FAT3: variants seen among roughly 807,000 people sequenced by gnomAD.
FAT3 encodes the protein protocadherin Fat 3.
FAT3 carries 95 observed loss-of-function variants against 310.2 expected under a neutral mutation model. The ratio of observed to expected loss-of-function variants is 0.31; its 90% CI spans 0.26 to 0.36. The LOEUF is 0.36. Among genes scored for constraint, FAT3 ranks in the 10% least tolerant of loss-of-function variants. The pLI is 1.00. For synonymous variants in FAT3, 2,314 were observed against 2,192.9 expected (o/e 1.06, Z -1.54); for missense variants, 5,408 against 5,715.6 (o/e 0.95, Z 1.74).
chr11:92,895,229 G>T lies in FAT3; in HGVS notation c.*4116G>T, dbSNP rs556122399. 1.3e-5 allele frequency: 2 copies of T among 152,292 alleles called. No homozygotes were observed. The highest frequency in any genetic ancestry group is 3.9e-4 in the East Asian group (2 of 5,186). 9.4% of individuals were successfully genotyped at this position (152,292 alleles called of 1,614,324 possible). Reference sequence around the variant, plus strand: ...GGCATTTATTCCTTGTCATCATTTTGTGTGCTCTGTGAGAAGGTGGTTATA... The same window carrying T: ...GGCATTTATTCCTTGTCATCATTTTTTGTGCTCTGTGAGAAGGTGGTTATA... On this transcript the variant is annotated 3_prime_UTR_variant, in exon 28 of 28. Transcript: ENST00000525166.
In FAT3 at chr11:92,815,992, C is replaced by T. The variant is rs1208777289; in HGVS notation, c.9481+5916C>T. On this transcript the variant is annotated intron_variant, in intron 13 of 27. Transcript: ENST00000525166. ...AACTAATGATTTTGTAAGGATTGGT[C>T]AGATAGCACATGTAAAATGCTACAT... Among the ~76,000 whole-genome samples, 4 of 152,282 alleles carry T rather than the reference C, an allele frequency of 2.6e-5. No individual in the cohort carries two copies. The East Asian group carries it at 7.7e-4, about 29-fold the overall frequency.
At chr11:92,709,294 G>A (rs560759921) in intron 4 of FAT3, among the ~76,000 whole-genome samples, 7 of 152,262 alleles carry the variant, frequency 4.6e-5, no homozygotes, top group Admixed American at 2.6e-4. Flanking sequence ...AACCTCAATC[G>A]TGTAGAAATA....
chr11:92,542,381 A>G (rs186256462), intron 3 of FAT3, among the ~76,000 whole-genome samples: 3 of 152,232 alleles, frequency 2.0e-5, no homozygotes, highest in African/African-American at 7.2e-5. Flanking sequence ...AGGAGACAAC[A>G]GAGTAAAAAG....
At chr11:92,796,119 C>T (rs1947166475) in intron 9 of FAT3, among the ~76,000 whole-genome samples, 1 of 152,020 alleles carries the variant, frequency 6.6e-6, no homozygotes, top group African/African-American at 2.4e-5. Flanking sequence ...GGTGCCATCA[C>T]TGGAAGGTGA....
At chr11:92,873,472 C>G (rs1293132023) in intron 22 of FAT3, among the ~76,000 whole-genome samples, 1 of 152,146 alleles carries the variant, frequency 6.6e-6, no homozygotes, top group South Asian at 2.1e-4. Flanking sequence ...CAAACCTGAT[C>G]AGAATGATGT....
At chr11:92,587,001 T>A (rs1011260049) in intron 3 of FAT3, among the ~76,000 whole-genome samples, 5 of 152,046 alleles carry the variant, frequency 3.3e-5, no homozygotes, top group African/African-American at 1.2e-4. Flanking sequence ...TGCAAAGCCA[T>A]ATAAGAGATT....
intron 1 of FAT3, among the ~76,000 whole-genome samples, chr11:92,347,684 A>G (rs1053915563): frequency 4.6e-5 from 7 of 152,146 alleles, no homozygotes; most frequent in Non-Finnish European, 1.0e-4. Flanking sequence ...GATCCATCCT[A>G]ACAGAGCAGA....
intron 3 of FAT3, among the ~76,000 whole-genome samples, chr11:92,641,832 A>G (rs1941976215): frequency 1.3e-5 from 2 of 152,262 alleles, no homozygotes; most frequent in African/African-American, 4.8e-5. Flanking sequence ...TGTTAAGTTT[A>G]GAAACAAAGT....
intron 1 of FAT3, 33 bp from the exon 2 acceptor site, chr11:92,352,058 GTTAAT>G: frequency 8.2e-7 from 1 of 1,216,716 alleles, no homozygotes; most frequent in Non-Finnish European, 1.1e-6. Flanking sequence ...TTCTAGGATG[GTTAAT>G]TTATCTTTTC....
intron 2 of FAT3, among the ~76,000 whole-genome samples, chr11:92,445,300 T>C (rs918980979): frequency 2.0e-5 from 3 of 152,330 alleles, no homozygotes; most frequent in Non-Finnish European, 4.4e-5. Context: ...ACAATGCTGA[T>C]ACAGCTCCAT....
chr11:92,663,141 C>A (rs1942843127), intron 3 of FAT3, among the ~76,000 whole-genome samples: 1 of 152,168 alleles, frequency 6.6e-6, no homozygotes, highest in African/African-American at 2.4e-5. Context: ...TAAGGCCAAG[C>A]TAGTTGAAAC....
intron 3 of FAT3, among the ~76,000 whole-genome samples, chr11:92,630,641 T>C (rs1333208528): frequency 1.3e-5 from 2 of 152,200 alleles, no homozygotes; most frequent in Non-Finnish European, 2.9e-5. Context: ...CTAATTTTTC[T>C]CACTTCCAAC....
At chr11:92,493,785 A>G (rs1952673594) in intron 2 of FAT3, among the ~76,000 whole-genome samples, 1 of 152,080 alleles carries the variant, frequency 6.6e-6, no homozygotes, top group Non-Finnish European at 1.5e-5. Context: ...GCTGAAGGCT[A>G]GTGGTAACAA....
intron 2 of FAT3, among the ~76,000 whole-genome samples, chr11:92,510,893 AG>A (rs1379680257): frequency 6.6e-6 from 1 of 152,236 alleles, no homozygotes; most frequent in East Asian, 1.9e-4. Flanking sequence ...CAAAGATGAA[AG>A]ATGCCTAATC....
Position 92,695,390 on chromosome 11 carries a change from C to T in FAT3, c.3608-1994C>T, listed in dbSNP as rs915880364. Among the ~76,000 whole-genome samples, 5 of 152,148 alleles carry T rather than the reference C, an allele frequency of 3.3e-5. No homozygotes were observed. The South Asian group carries it at 8.3e-4, about 25-fold the overall frequency. On this transcript the variant is annotated intron_variant, in intron 3 of 27. Coordinates refer to ENST00000525166, the MANE Select transcript of FAT3 (RefSeq NM_001367949.2). ...AGCTAAGGAAGGAAAGTTACTCATCCTCCTTGACCTTCTTGGTGGCAGTCT... is the reference window on the plus strand; with the variant it reads ...AGCTAAGGAAGGAAAGTTACTCATCTTCCTTGACCTTCTTGGTGGCAGTCT...
rs368946391 is a variant in FAT3 at position 92,800,267 on chromosome 11, C to T, written c.7254C>T (p.Ala2418=). The change falls in exon 10 of 28, where the codon GCC becomes GCT. Residue 2418 remains alanine, a synonymous_variant. Coordinates refer to ENST00000525166, the MANE Select transcript of FAT3 (RefSeq NM_001367949.2). ...GCCATTTTGTAACCTGTGTACAAGC[C>T]TCTGATGCAGACAGCTCTGATTTTG... ...PRGHFVTCVQ[A]SDADSSDFDR... 1 of 1,613,938 alleles carries T rather than the reference C, an allele frequency of 6.2e-7. No individual in the cohort carries two copies. Among genetic ancestry groups the T allele is most frequent in the Non-Finnish European group, 8.5e-7 (1 of 1,179,840 alleles).
At chr11:92,608,530 A>G (rs1940411728) in intron 3 of FAT3, among the ~76,000 whole-genome samples, 1 of 151,986 alleles carries the variant, frequency 6.6e-6, no homozygotes, top group African/African-American at 2.4e-5. Context: ...TTCTTCTTGC[A>G]TCATGCTCCA....
chr11:92,738,976 C>T (rs78102219), intron 4 of FAT3, among the ~76,000 whole-genome samples: 6,336 of 152,226 alleles, frequency 0.042, 284 homozygotes, highest in East Asian at 0.21. Flanking sequence ...AGACTCAGAA[C>T]ATGATGAGTC....
Position 92,697,331 on chromosome 11 carries a change from G to T in FAT3, c.3608-53G>T. 5 of 1,552,692 alleles carry T rather than the reference G, an allele frequency of 3.2e-6. No homozygotes were observed. In the South Asian group the frequency reaches 4.5e-5, roughly 14 times the overall value. On this transcript the variant is annotated intron_variant, in intron 3 of 27. Coordinates refer to ENST00000525166, the MANE Select transcript of FAT3 (RefSeq NM_001367949.2). Reference sequence around the variant, plus strand: ...AACTGGACTTGTTTCCCCACACTCAGTAAGCTGTTTGCCCCAGATATTTAA... The same window carrying T: ...AACTGGACTTGTTTCCCCACACTCATTAAGCTGTTTGCCCCAGATATTTAA...
Sources: gnomAD v4.1 joint callset for allele counts (sites outside exome capture counted in the v4.1 genomes callset) on GRCh38, gnomAD v4.1.1 for gene constraint, MANE v1.5 for transcripts, NCBI Gene and HGNC (gene_info 2026-07-23, HGNC 2026-07-21) for gene names.